Variants in TPGS2 observed in about 807,000 individuals in gnomAD.
The protein encoded by TPGS2 is polyglutamylase subunit 2.
TPGS2 carries 26 observed loss-of-function variants against 31.1 expected under a neutral mutation model. That is an observed-to-expected ratio of 0.84 (90% CI 0.61 to 1.16). The LOEUF is 1.16. TPGS2 is among the 50% of genes most tolerant of loss of function. The probability of loss-of-function intolerance (pLI) is 0.00; values close to 1 mark genes in which losing one functional copy is unlikely to be tolerated. For synonymous variants in TPGS2, 130 were observed against 136.6 expected (o/e 0.95, Z 0.34); for missense variants, 351 against 363.8 (o/e 0.96, Z 0.29).
chr18:36,814,399 A>G (rs183307626), intron 2 of TPGS2, among the ~76,000 whole-genome samples: 12 of 152,356 alleles, frequency 7.9e-5, no homozygotes, highest in Non-Finnish European at 1.8e-4. Context: ...GGTCAAATAT[A>G]TAAACATGGA....
chr18:36,818,099 C>G (rs1282932855), intron 2 of TPGS2, among the ~76,000 whole-genome samples: 1 of 152,184 alleles, frequency 6.6e-6, no homozygotes, highest in Non-Finnish European at 1.5e-5. Context: ...TCTTTGTGAT[C>G]TCAGAACAAT....
intron 1 of TPGS2, among the ~76,000 whole-genome samples, chr18:36,828,078 G>T (rs1172586248): frequency 6.6e-6 from 1 of 152,136 alleles, no homozygotes; most frequent in Non-Finnish European, 1.5e-5. Flanking sequence ...CGAGGCAGGA[G>T]AATTGCTTGA....
At chr18:36,791,102 C>G (rs911943349), downstream of TPGS2, among the ~76,000 whole-genome samples, 1 of 152,096 alleles carries the variant, frequency 6.6e-6, no homozygotes, top group African/African-American at 2.4e-5. Flanking sequence ...GTGTAGCCCT[C>G]CCCCTTCACT....
At chr18:36,798,398 G>T in intron 6 of TPGS2, 51 bp downstream of exon 6, 1 of 1,610,654 alleles carries the variant, frequency 6.2e-7, no homozygotes, top group Non-Finnish European at 8.5e-7. Flanking sequence ...CATTTCCTCA[G>T]TAGATTTTGG....
chr18:36,816,495 C>T (rs1248182967), intron 2 of TPGS2, among the ~76,000 whole-genome samples: 1 of 152,220 alleles, frequency 6.6e-6, no homozygotes, highest in Admixed American at 6.5e-5. Context: ...TCCAAAGCAA[C>T]ATAATAGTGT....
chr18:36,795,053 A>C lies in TPGS2; in HGVS notation c.*1752T>G. On this transcript the variant is annotated 3_prime_UTR_variant, in exon 7 of 7. Transcript: ENST00000334295. Reference sequence around the variant, plus strand: ...CTTTGAACTATTACAAATATGGGGAAGCAGCCAGTTAGAGCTTGCCCTGAT... The same window carrying C: ...CTTTGAACTATTACAAATATGGGGACGCAGCCAGTTAGAGCTTGCCCTGAT... 2 of 985,470 alleles carry C rather than the reference A, an allele frequency of 2.0e-6. No homozygotes were observed. The highest frequency in any genetic ancestry group is 2.4e-6 in the Non-Finnish European group (2 of 829,930). 61.0% of individuals were successfully genotyped at this position (985,470 alleles called of 1,614,324 possible).
chr18:36,802,008 G>C (rs987908242), intron 4 of TPGS2, among the ~76,000 whole-genome samples: 1 of 152,140 alleles, frequency 6.6e-6, no homozygotes, highest in Admixed American at 6.5e-5. Flanking sequence ...TTTTTGTTCT[G>C]TGTAACTTTA....
intron 1 of TPGS2, among the ~76,000 whole-genome samples, chr18:36,826,362 T>C (rs2046133662): frequency 6.6e-6 from 1 of 152,042 alleles, no homozygotes. Context: ...AATTGAATTG[T>C]TCTTAGTTTT....
At chr18:36,821,658 A>G (rs1160815370) in intron 1 of TPGS2, among the ~76,000 whole-genome samples, 9 of 152,232 alleles carry the variant, frequency 5.9e-5, no homozygotes, top group African/African-American at 2.2e-4. Context: ...AAAACTCAAG[A>G]TAATATGTAA....
At chr18:36,803,528 GGT>G (rs2044944471) in intron 4 of TPGS2, among the ~76,000 whole-genome samples, 1 of 151,926 alleles carries the variant, frequency 6.6e-6, no homozygotes. Flanking sequence ...TCTGCAGAGA[GGT>G]GTCTTTTATT....
At position 36,796,929 on chromosome 18, in the gene TPGS2, A is replaced by C. The variant is rs199591872; in HGVS notation, c.779T>G (p.Ile260Ser). 1 of 1,609,056 alleles carries C rather than the reference A, an allele frequency of 6.2e-7. No homozygotes were observed. The highest frequency in any genetic ancestry group is 1.3e-5 in the African/African-American group (1 of 74,634). The part of the protein sequence containing the change: ...KVFKSKNKIV[I>S]PKKKGPVQPA... Reference sequence around the variant, plus strand: ...CTGCACAGGCCCTTTCTTTTTTGGGATTACGATCTTGTTCTTGCTCTTAAA... The same window carrying C: ...CTGCACAGGCCCTTTCTTTTTTGGGCTTACGATCTTGTTCTTGCTCTTAAA... Residue 260 changes from isoleucine (I) to serine (S), a missense_variant, in exon 7 of 7, where the codon ATC (isoleucine) becomes AGC (serine). Physicochemically the swap from Ile to Ser is moderately radical, Grantham distance 142. Transcript: ENST00000334295.
intron 2 of TPGS2, among the ~76,000 whole-genome samples, chr18:36,809,828 A>C (rs2045336554): frequency 6.6e-6 from 1 of 152,190 alleles, no homozygotes; most frequent in Non-Finnish European, 1.5e-5. Flanking sequence ...ATCCAGGCTG[A>C]GGGCAGGTGG....
chr18:36,804,544 T>C (rs1001064711), intron 4 of TPGS2, among the ~76,000 whole-genome samples: 5 of 152,246 alleles, frequency 3.3e-5, no homozygotes, highest in Non-Finnish European at 5.9e-5. Flanking sequence ...ACTTCTCTGG[T>C]ACTATTCTTC....
At chr18:36,801,564 G>A (rs755898081) in intron 4 of TPGS2, among the ~76,000 whole-genome samples, 2 of 152,066 alleles carry the variant, frequency 1.3e-5, no homozygotes, top group Non-Finnish European at 2.9e-5. Context: ...AAACTCCTGG[G>A]CTCTAGTGAT....
chr18:36,824,183 T>C (rs2046030902), intron 1 of TPGS2, among the ~76,000 whole-genome samples: 3 of 152,234 alleles, frequency 2.0e-5, no homozygotes, highest in Non-Finnish European at 2.9e-5. Context: ...ATCCATGTTG[T>C]AGGATCAGTA....
chr18:36,802,009 T>A (rs2044843280), intron 4 of TPGS2, among the ~76,000 whole-genome samples: 1 of 152,250 alleles, frequency 6.6e-6, no homozygotes, highest in African/African-American at 2.4e-5. Context: ...TTTTGTTCTG[T>A]GTAACTTTAG....
chr18:36,809,708 G>C (rs1047114612), intron 2 of TPGS2, among the ~76,000 whole-genome samples: 5 of 152,048 alleles, frequency 3.3e-5, no homozygotes, highest in African/African-American at 1.2e-4. Context: ...TGCTCCTCTC[G>C]TCGCCCCAAA....
chr18:36,804,777 C>CTAAT (rs1394167420), intron 4 of TPGS2, among the ~76,000 whole-genome samples: 4 of 152,218 alleles, frequency 2.6e-5, no homozygotes, highest in African/African-American at 9.6e-5. Flanking sequence ...TTTGACTCTT[C>CTAAT]TAATAGCTAT....
chr18:36,786,118 C>G (rs912474421), intron 6 of TPGS2, among the ~76,000 whole-genome samples: 8 of 152,180 alleles, frequency 5.3e-5, no homozygotes, highest in African/African-American at 1.9e-4. Flanking sequence ...AAGTATGCAG[C>G]CTCTGTGAAA....
Sources: gnomAD v4.1 joint callset for allele counts (sites outside exome capture counted in the v4.1 genomes callset) on GRCh38, gnomAD v4.1.1 for gene constraint, MANE v1.5 for transcripts, NCBI Gene and HGNC (gene_info 2026-07-23, HGNC 2026-07-21) for gene names.